XYLT1: variants seen among roughly 807,000 people sequenced by gnomAD.
XYLT1 encodes the protein xylosyltransferase 1.
A neutral mutation model predicts 91.3 loss-of-function variants in XYLT1; 36 were observed. The observed-to-expected ratio is 0.39, with a 90% confidence interval of 0.30 to 0.52. The LOEUF (loss-of-function observed/expected upper bound fraction) is 0.52. XYLT1 is among the 20% of genes least tolerant of loss of function. The pLI is 0.68. For missense variants in XYLT1, 1,242 were observed against 1,284.5 expected (o/e 0.97, Z 0.51); for synonymous variants, 588 against 532.0 (o/e 1.11, Z -1.45).
intron 1 of XYLT1, among the ~76,000 whole-genome samples, chr16:17,393,768 T>TAATA (rs543333433): frequency 8.3e-6 from 1 of 119,782 alleles, no homozygotes; most frequent in African/African-American, 2.8e-5. Context: ...ATTAATTAAT[T>TAATA]ATTATTATTA....
intron 2 of XYLT1, among the ~76,000 whole-genome samples, chr16:17,278,322 A>C (rs2034008421): frequency 6.6e-6 from 1 of 152,048 alleles, no homozygotes; most frequent in African/African-American, 2.4e-5. Context: ...ATTTGCAGAG[A>C]GCAAGCCGGC....
intron 1 of XYLT1, among the ~76,000 whole-genome samples, chr16:17,368,470 TA>T (rs758921882): frequency 5.2e-4 from 79 of 151,716 alleles, no homozygotes; most frequent in Non-Finnish European, 9.0e-4. Context: ...TGAGATACCA[TA>T]ATTCACCATT....
At chr16:17,237,617 G>T in intron 3 of XYLT1, among the ~76,000 whole-genome samples, 1 of 152,320 alleles carries the variant, frequency 6.6e-6, no homozygotes, top group Non-Finnish European at 1.5e-5. Flanking sequence ...GAGACGCAGC[G>T]GTGTAATTAG....
intron 1 of XYLT1, among the ~76,000 whole-genome samples, chr16:17,449,236 T>C (rs1463947218): frequency 6.6e-6 from 1 of 152,234 alleles, no homozygotes; most frequent in African/African-American, 2.4e-5. Context: ...AAAGGAGGGC[T>C]GGGGCCAAAT....
At chr16:17,254,577 T>C (rs541045528) in intron 3 of XYLT1, among the ~76,000 whole-genome samples, 5 of 152,158 alleles carry the variant, frequency 3.3e-5, no homozygotes, top group African/African-American at 1.2e-4. Flanking sequence ...GTATTTTCAG[T>C]AGAGACAGGG....
chr16:17,338,266 T>A (rs1315198393), intron 2 of XYLT1: 2 of 456,526 alleles, frequency 4.4e-6, no homozygotes, highest in South Asian at 3.1e-5. Context: ...TGGACCATGC[T>A]CTTCTGCTCC....
At chr16:17,361,252 T>TC (rs1341584067) in intron 1 of XYLT1, among the ~76,000 whole-genome samples, 1 of 151,960 alleles carries the variant, frequency 6.6e-6, no homozygotes, top group African/African-American at 2.4e-5. Flanking sequence ...ACCTTGCTGG[T>TC]CCAAGGAGGA....
intron 3 of XYLT1, among the ~76,000 whole-genome samples, chr16:17,224,367 A>G (rs192306502): frequency 6.6e-6 from 1 of 152,226 alleles, no homozygotes; most frequent in African/African-American, 2.4e-5. Context: ...TTCTATGAAG[A>G]CCAGGCACGT....
chr16:17,198,419 TC>T lies in XYLT1; in HGVS notation c.1087-6del, dbSNP rs763550226. On this transcript the variant is annotated splice_region_variant and splice_polypyrimidine_tract_variant and intron_variant, in intron 4 of 11. Transcript: ENST00000261381. ...CCGATGCAGGTAATTAGAGCGCTTT[TC>T]CCAGGAGAGAAAGGGTGATGACAGT... is the stretch of plus-strand genomic sequence containing the variant. 24 of 1,613,624 alleles carry T rather than the reference TC, an allele frequency of 1.5e-5. No homozygotes were observed. The highest frequency in any genetic ancestry group is 1.9e-5 in the Non-Finnish European group (23 of 1,179,728).
intron 8 of XYLT1, among the ~76,000 whole-genome samples, chr16:17,136,769 GATCTTGGGGGAT>G (rs2030739481): frequency 6.6e-6 from 1 of 152,106 alleles, no homozygotes; most frequent in Non-Finnish European, 1.5e-5. Flanking sequence ...CTTGACTCTA[GATCTTGGGGGAT>G]ATTCTTAATC....
intron 2 of XYLT1, among the ~76,000 whole-genome samples, chr16:17,283,462 G>A (rs1037352535): frequency 1.3e-5 from 2 of 152,052 alleles, no homozygotes; most frequent in Non-Finnish European, 2.9e-5. Flanking sequence ...ACACACACAC[G>A]CATGTGCACA....
At chr16:17,188,546 T>C (rs886997493) in intron 5 of XYLT1, among the ~76,000 whole-genome samples, 5 of 152,162 alleles carry the variant, frequency 3.3e-5, no homozygotes, top group African/African-American at 1.2e-4. Context: ...CATCTACATC[T>C]CAGTTCACAG....
intron 5 of XYLT1, among the ~76,000 whole-genome samples, chr16:17,186,172 C>T (rs955936805): frequency 6.6e-6 from 1 of 152,110 alleles, no homozygotes; most frequent in African/African-American, 2.4e-5. Context: ...GGCGCGATCT[C>T]GGCTCACTGC....
chr16:17,300,069 G>T (rs1249233179), intron 2 of XYLT1, among the ~76,000 whole-genome samples: 2 of 152,174 alleles, frequency 1.3e-5, no homozygotes, highest in Admixed American at 6.6e-5. Context: ...AAGGTGGCGG[G>T]GGTGGGGAGC....
At chr16:17,185,007 C>G (rs181400631) in intron 5 of XYLT1, among the ~76,000 whole-genome samples, 6 of 152,358 alleles carry the variant, frequency 3.9e-5, no homozygotes, top group Admixed American at 3.9e-4. Flanking sequence ...CCAGAAGGTC[C>G]TAAGCCCATA....
intron 9 of XYLT1, among the ~76,000 whole-genome samples, chr16:17,129,437 T>G (rs1463562204): frequency 2.6e-5 from 4 of 152,236 alleles, no homozygotes; most frequent in Non-Finnish European, 5.9e-5. Flanking sequence ...AATTTTTGTA[T>G]TTTTAGTAGA....
intron 3 of XYLT1, chr16:17,228,024 T>C (rs2033096755): frequency 6.6e-6 from 1 of 152,236 alleles, no homozygotes; most frequent in African/African-American, 2.4e-5. Flanking sequence ...GACCCTTAGC[T>C]CGTGGAACCC....
intron 1 of XYLT1, among the ~76,000 whole-genome samples, chr16:17,446,835 C>T (rs1390878987): frequency 6.7e-6 from 1 of 149,090 alleles, no homozygotes; most frequent in African/African-American, 2.6e-5. Flanking sequence ...TGAGGCCACC[C>T]GCTGCTCCCT....
intron 1 of XYLT1, among the ~76,000 whole-genome samples, chr16:17,456,913 C>T (rs150174020): frequency 1.2e-3 from 184 of 152,280 alleles, no homozygotes; most frequent in African/African-American, 4.1e-3. Context: ...CTCAGTACAG[C>T]ACAGTGCCTG....
Sources: gnomAD v4.1 joint callset for allele counts (sites outside exome capture counted in the v4.1 genomes callset) on GRCh38, gnomAD v4.1.1 for gene constraint, MANE v1.5 for transcripts, NCBI Gene and HGNC (gene_info 2026-07-23, HGNC 2026-07-21) for gene names.